Variants in TP53INP1 observed in about 807,000 individuals in gnomAD.
The protein encoded by TP53INP1 is tumor protein p53 inducible nuclear protein 1, also known as tumor protein p53-inducible nuclear protein 1.
TP53INP1 carries 12 observed loss-of-function variants against 21.0 expected under a neutral mutation model. The observed-to-expected ratio is 0.57, with a 90% CI of 0.37 to 0.93. The LOEUF (loss-of-function observed/expected upper bound fraction) is 0.93, where lower values mean the gene tolerates loss of function less well. TP53INP1 is among the 40% of genes least tolerant of loss of function. The pLI is 0.01. For synonymous variants in TP53INP1, 91 were observed against 94.8 expected (o/e 0.96, Z 0.23); for missense variants, 274 against 294.7 (o/e 0.93, Z 0.51).
In TP53INP1 at chr8:94,932,832, C is replaced by A. The variant is rs111503898; in HGVS notation, c.474-2104G>T. 7.3e-3 allele frequency among the ~76,000 whole-genome samples: 1,113 copies of A among 152,002 alleles called. 6 individuals carry two copies. Among genetic ancestry groups the A allele is most frequent in the African/African-American group, 0.026 (1,059 of 41,464 alleles). ...ATAAAAAAAAAAGAATTTCAAATCCCAAAATAAGGATGTTAAAAAAATTAT... is the reference window on the plus strand; with the variant it reads ...ATAAAAAAAAAAGAATTTCAAATCCAAAAATAAGGATGTTAAAAAAATTAT... On this transcript the variant is annotated intron_variant, in intron 3 of 3. Transcript: ENST00000342697.
At chr8:94,936,523 G>A (rs1040453251) in intron 3 of TP53INP1, among the ~76,000 whole-genome samples, 2 of 152,116 alleles carry the variant, frequency 1.3e-5, no homozygotes, top group Non-Finnish European at 2.9e-5. Context: ...AAAACAAATC[G>A]GCTCTGTGGG....
In TP53INP1 at chr8:94,941,063, TAGGTGAAAAGCAA is replaced by T. The variant is rs1249912526; in HGVS notation, c.-135_-123del. 13 of 676,230 alleles carry T rather than the reference TAGGTGAAAAGCAA, an allele frequency of 1.9e-5. No homozygotes were observed. The highest frequency in any genetic ancestry group is 3.0e-5 in the Admixed American group (1 of 33,830). The allele number at this position is 676,230 out of a possible 1,614,324, so 41.9% of individuals were successfully genotyped here. On this transcript the variant is annotated 5_prime_UTR_variant, in exon 2 of 4. An upstream open reading frame in the 5' UTR gains an earlier in-frame stop. Coordinates refer to ENST00000342697, the MANE Select transcript of TP53INP1 (RefSeq NM_033285.4). The stretch of plus-strand genomic sequence containing the variant: ...AAGTGCACAGGGTGCTTATTCAACT[TAGGTGAAAAGCAA>T]GAAGAGTCATTGTACCTAAAATAAA...
Position 94,943,474 on chromosome 8 carries a change from G to A in TP53INP1, c.-150-2383C>T, listed in dbSNP as rs1045719128. Among the ~76,000 whole-genome samples the A allele has an allele frequency of 7.3e-4, 111 of 152,224 alleles. 1 individual carries two copies. Among genetic ancestry groups the A allele is most frequent in the African/African-American group, 2.6e-3 (108 of 41,516 alleles). On this transcript the variant is annotated intron_variant, in intron 1 of 3. Coordinates refer to ENST00000342697, the MANE Select transcript of TP53INP1 (RefSeq NM_033285.4). ...TGTACTCCAGTGTGAGTGACACAGC[G>A]AGACCTTGTCTCAAAAAAAAGTTAT...
intron 3 of TP53INP1, among the ~76,000 whole-genome samples, chr8:94,937,973 C>T (rs138339239): frequency 2.0e-5 from 3 of 152,026 alleles, no homozygotes; most frequent in Non-Finnish European, 2.9e-5. Flanking sequence ...CTAAAGCTAA[C>T]GTCCCTTCCA....
chr8:94,940,334 AAAG>A, intron 2 of TP53INP1, 114 bp from the exon 3 acceptor site: 3 of 1,264,598 alleles, frequency 2.4e-6, no homozygotes, highest in Non-Finnish European at 3.3e-6. Context: ...CAGCACAGAA[AAAG>A]AAGAGATGAT....
intron 3 of TP53INP1, among the ~76,000 whole-genome samples, chr8:94,931,529 A>T (rs1820390493): frequency 6.6e-6 from 1 of 152,154 alleles, no homozygotes; most frequent in Non-Finnish European, 1.5e-5. Context: ...GTTATTTTAC[A>T]CAGGAAGGGC....
chr8:94,946,048 A>G (rs538710745), intron 1 of TP53INP1, among the ~76,000 whole-genome samples: 3 of 152,254 alleles, frequency 2.0e-5, no homozygotes, highest in South Asian at 2.1e-4. Context: ...AATAAGAAAA[A>G]TAAGTATTAT....
intron 3 of TP53INP1, among the ~76,000 whole-genome samples, chr8:94,934,180 C>T (rs1436942617): frequency 8.6e-5 from 13 of 150,850 alleles, no homozygotes; most frequent in Non-Finnish European, 7.4e-5. Flanking sequence ...GAAGGATATA[C>T]TCTAGGATGT....
intron 2 of TP53INP1, 126 bp downstream of exon 2, chr8:94,940,704 G>T (rs908307697): frequency 7.5e-6 from 5 of 670,778 alleles, no homozygotes; most frequent in Non-Finnish European, 1.2e-5. Context: ...ATTTTTTAAA[G>T]ACAAACTCCT....
intron 3 of TP53INP1, among the ~76,000 whole-genome samples, chr8:94,932,822 T>A (rs1180537590): frequency 6.6e-6 from 1 of 151,666 alleles, no homozygotes; most frequent in Non-Finnish European, 1.5e-5. Context: ...AAAAAAAGAA[T>A]TTCAAATCCC....
chr8:94,945,009 A>C (rs1333064921), intron 1 of TP53INP1, among the ~76,000 whole-genome samples: 1 of 152,222 alleles, frequency 6.6e-6, no homozygotes, highest in Non-Finnish European at 1.5e-5. Context: ...TGAGGTAGCC[A>C]CCAGGCACAC....
intron 1 of TP53INP1, among the ~76,000 whole-genome samples, chr8:94,948,140 G>A (rs1352546333): frequency 2.0e-5 from 3 of 152,160 alleles, no homozygotes; most frequent in Non-Finnish European, 4.4e-5. Context: ...AATCCACTCT[G>A]TATTGGAATT....
At chr8:94,944,338 T>C (rs943265010) in intron 1 of TP53INP1, among the ~76,000 whole-genome samples, 4 of 152,190 alleles carry the variant, frequency 2.6e-5, no homozygotes, top group Non-Finnish European at 5.9e-5. Context: ...CCAAAAAACA[T>C]TGCTGGGGCC....
chr8:94,928,606 G>C lies in TP53INP1; in HGVS notation c.*1873C>G, dbSNP rs1048183677. On this transcript the variant is annotated 3_prime_UTR_variant, in exon 4 of 4. Transcript: ENST00000342697. ...TAAAGGGGAAGTCAAAACGGAAGGG[G>C]CAATAAGGAGAAAGGGGGAATCTAA... 1 of 152,376 alleles carries C rather than the reference G, an allele frequency of 6.6e-6. No homozygotes were observed. The highest frequency in any genetic ancestry group is 1.5e-5 in the Non-Finnish European group (1 of 68,036). The allele number at this position is 152,376 out of a possible 1,614,324, so 9.4% of individuals were successfully genotyped here.
intron 3 of TP53INP1, chr8:94,932,118 T>G: frequency 6.2e-7 from 1 of 1,608,122 alleles, no homozygotes; most frequent in Non-Finnish European, 8.5e-7. Flanking sequence ...CTACAAATGT[T>G]AAATGGTGAA....
intron 1 of TP53INP1, among the ~76,000 whole-genome samples, chr8:94,943,027 G>T (rs893576771): frequency 2.2e-4 from 34 of 152,246 alleles, no homozygotes; most frequent in African/African-American, 8.0e-4. Flanking sequence ...CCTGCAGAAA[G>T]TACAGGTTAG....
rs928815583 is a variant in TP53INP1, at chr8:94,934,490, A to C, written c.474-3762T>G. Among the ~76,000 whole-genome samples the C allele has an allele frequency of 2.0e-5, 3 of 151,928 alleles. No individual in the cohort carries two copies. The East Asian group carries it at 5.8e-4, about 29-fold the overall frequency. On this transcript the variant is annotated intron_variant, in intron 3 of 3. Coordinates refer to ENST00000342697, the MANE Select transcript of TP53INP1 (RefSeq NM_033285.4). The stretch of plus-strand genomic sequence containing the variant: ...AACCTCTGCCTCCCGGGTTCAAGCA[A>C]TTCTCCTGCCTCAGCCTCCCTAGTA...
At chr8:94,934,231 A>G (rs75750317) in intron 3 of TP53INP1, among the ~76,000 whole-genome samples, 2,404 of 151,724 alleles carry the variant, frequency 0.016, 67 homozygotes, top group African/African-American at 0.054. Context: ...GTCATTTCCA[A>G]TTTTTGCATA....
At chr8:94,932,592 A>T (rs1389158829) in intron 3 of TP53INP1, among the ~76,000 whole-genome samples, 1 of 152,036 alleles carries the variant, frequency 6.6e-6, no homozygotes, top group East Asian at 1.9e-4. Flanking sequence ...TCGTGAGGTC[A>T]GGAGATCAAG....
Sources: gnomAD v4.1 joint callset for allele counts (sites outside exome capture counted in the v4.1 genomes callset) on GRCh38, gnomAD v4.1.1 for gene constraint, MANE v1.5 for transcripts, NCBI Gene and HGNC (gene_info 2026-07-23, HGNC 2026-07-21) for gene names.